Variants in C2CD3 observed in about 807,000 individuals in gnomAD.
C2CD3 encodes the protein C2 domain containing 3 centriole elongation regulator.
A neutral mutation model predicts 234.0 loss-of-function variants in C2CD3; 148 were observed. The observed-to-expected ratio is 0.63, with a 90% CI of 0.55 to 0.72. C2CD3 has a LOEUF of 0.72. Ranked by LOEUF, C2CD3 falls within the 30% of genes least tolerant of loss-of-function variation. The probability of loss-of-function intolerance (pLI) is 0.00; values close to 1 mark genes in which losing one functional copy is unlikely to be tolerated. For missense variants in C2CD3, 2,577 were observed against 2,811.5 expected (o/e 0.92, Z 1.89); for synonymous variants, 1,000 against 1,035.4 (o/e 0.97, Z 0.66).
chr11:74,117,098 A>G (rs1229478198), intron 9 of C2CD3, among the ~76,000 whole-genome samples: 1 of 63,056 alleles, frequency 1.6e-5, no homozygotes, highest in Non-Finnish European at 2.8e-5. Flanking sequence ...ATATATATAT[A>G]TGAATATATA....
At position 74,078,632 on chromosome 11, in the gene C2CD3, ACCAC is replaced by A. The variant is rs750126800; in HGVS notation, c.4082_4085del (p.Gly1361ValfsTer32). The A allele has an allele frequency of 6.2e-7, 1 of 1,614,138 alleles. No individual in the cohort carries two copies. The highest frequency in any genetic ancestry group is 1.3e-5 in the African/African-American group (1 of 75,042). Reference sequence around the variant, plus strand: ...GCGTGAAGGAAATCGAAAGCTCCAGACCACCCACGATCTTCTGCATGAGCTCCAG... The same window carrying A: ...GCGTGAAGGAAATCGAAAGCTCCAGACCACGATCTTCTGCATGAGCTCCAG... On this transcript the variant is annotated frameshift_variant, in exon 23 of 33. Transcript: ENST00000334126. LOFTEE classifies it high-confidence loss of function.
intron 29 of C2CD3, among the ~76,000 whole-genome samples, chr11:74,038,989 G>A (rs919206953): frequency 6.6e-6 from 1 of 152,108 alleles, no homozygotes; most frequent in Non-Finnish European, 1.5e-5. Flanking sequence ...AACAGTCTGC[G>A]TATCTTAGAG....
At position 74,139,665 on chromosome 11, in the gene C2CD3, T is replaced by C. The variant is rs761603333; in HGVS notation, c.647A>G (p.His216Arg). The C allele has an allele frequency of 6.2e-7, 1 of 1,614,042 alleles. No individual in the cohort carries two copies. The highest frequency in any genetic ancestry group is 1.1e-5 in the South Asian group (1 of 91,082). The change falls in exon 4 of 33, where the codon CAT becomes CGT. Residue 216 changes from histidine (H) to arginine (R), a missense_variant. By Grantham distance (29) the His-to-Arg change is conservative. Transcript: ENST00000334126. ...CTCTTTTCCATCAATTTTGATGGTA[T>C]GTATGTCGCGAGGCCTTGATGGAAC... ...FQVPSRPRDI[H>R]TIKIDGKELA... is the part of the protein sequence containing the mutation.
intron 20 of C2CD3, among the ~76,000 whole-genome samples, chr11:74,087,262 T>C (rs993229184): frequency 6.6e-6 from 1 of 152,038 alleles, no homozygotes; most frequent in Non-Finnish European, 1.5e-5. Flanking sequence ...ATGCTAGCAG[T>C]AGCTTAAAAA....
At chr11:74,141,340 C>G (rs1958042542) in intron 3 of C2CD3, among the ~76,000 whole-genome samples, 1 of 152,204 alleles carries the variant, frequency 6.6e-6, no homozygotes, top group Non-Finnish European at 1.5e-5. Context: ...GGGATGAATA[C>G]TATGTGCAGT....
At chr11:74,066,190 C>T (rs567906352) in intron 24 of C2CD3, among the ~76,000 whole-genome samples, 231 of 139,200 alleles carry the variant, frequency 1.7e-3, no homozygotes, top group African/African-American at 5.9e-3. Context: ...AGCAAACTAT[C>T]TCAAGGACAG....
Position 74,057,503 on chromosome 11 carries a change from A to C in C2CD3, c.4993T>G (p.Cys1665Gly), listed in dbSNP as rs1278365304. 3 of 1,614,142 alleles carry C rather than the reference A, an allele frequency of 1.9e-6. No individual in the cohort carries two copies. Among genetic ancestry groups the C allele is most frequent in the Non-Finnish European group, 2.5e-6 (3 of 1,179,982 alleles). ...TERKVSIPSCCVSFATADESS... is the reference protein window; with the variant it reads ...TERKVSIPSCGVSFATADESS... ...TCATCGGCTGTTGCAAAGGATACAC[A>C]ACAACTGGGTATCGATACTTTCCGC... The change falls in exon 25 of 33, where the codon TGT becomes GGT. Residue 1665 changes from cysteine (C) to glycine (G), a missense_variant. Physicochemically the swap from Cys to Gly is radical, Grantham distance 159. Coordinates refer to ENST00000334126, the MANE Select transcript of C2CD3 (RefSeq NM_001286577.2).
intron 32 of C2CD3, among the ~76,000 whole-genome samples, chr11:74,022,173 G>C (rs1417346258): frequency 6.6e-6 from 1 of 152,146 alleles, no homozygotes; most frequent in African/African-American, 2.4e-5. Flanking sequence ...AGACAGGGCA[G>C]GGTGAGAAGT....
chr11:74,114,530 A>G lies in C2CD3; in HGVS notation c.1584T>C (p.Ser528=). 1.2e-6 allele frequency: 2 copies of G among 1,613,918 alleles called. No homozygotes were observed. The highest frequency in any genetic ancestry group is 1.6e-4 in the Middle Eastern group (1 of 6,062). Residue 528 remains serine, a synonymous_variant, in exon 10 of 33, where the codon AGT becomes AGC. Transcript: ENST00000334126. The stretch of plus-strand genomic sequence containing the variant: ...TACCCAAAAGGGCCAGTCTATCCAC[A>G]CTTAGTGTCATCGTTTGGGCATCTT... ...TPEDAQTMTL[S]VDRLALLGRT... is the part of the protein sequence containing the mutation.
intron 32 of C2CD3, among the ~76,000 whole-genome samples, chr11:74,023,394 G>A (rs1209965698): frequency 1.3e-5 from 2 of 152,218 alleles, no homozygotes; most frequent in African/African-American, 4.8e-5. Context: ...GGCAGAAGAG[G>A]TGGAATTCTC....
chr11:74,067,620 G>A (rs1053781508), intron 24 of C2CD3, among the ~76,000 whole-genome samples: 1 of 152,094 alleles, frequency 6.6e-6, no homozygotes, highest in African/African-American at 2.4e-5. Context: ...CAATAAAATA[G>A]TATTCATATT....
At chr11:74,066,452 GA>G (rs55672870) in intron 24 of C2CD3, among the ~76,000 whole-genome samples, 82 of 148,488 alleles carry the variant, frequency 5.5e-4, no homozygotes, top group African/African-American at 1.9e-3. Context: ...AAGAAAGAAA[GA>G]AAAAAAAACA....
At chr11:74,150,162 A>G (rs1361023337) in intron 3 of C2CD3, among the ~76,000 whole-genome samples, 2 of 151,950 alleles carry the variant, frequency 1.3e-5, no homozygotes, top group East Asian at 3.9e-4. Flanking sequence ...TTGTAAAAAA[A>G]AAAAAAAATT....
Position 74,054,651 on chromosome 11 carries a change from A to T in C2CD3, c.5111T>A (p.Leu1704Gln), listed in dbSNP as rs1173920888. Reference sequence around the variant, plus strand: ...GAAGACCAGGGTTTGTTGTGGGTCCAGAAGCAGCTCTTTTGATAGCCTATT... The same window carrying T: ...GAAGACCAGGGTTTGTTGTGGGTCCTGAAGCAGCTCTTTTGATAGCCTATT... ...QQSRLSKELL[L>Q]DPQQTLVFKV... Residue 1704 changes from leucine (L) to glutamine (Q), a missense_variant, in exon 26 of 33, where the codon CTG (leucine) becomes CAG (glutamine). By Grantham distance (113) the Leu-to-Gln change is moderately radical. Transcript: ENST00000334126. 4.3e-6 allele frequency: 7 copies of T among 1,612,580 alleles called. No individual in the cohort carries two copies. Among genetic ancestry groups the T allele is most frequent in the Non-Finnish European group, 5.9e-6 (7 of 1,179,200 alleles).
chr11:74,095,079 T>TA (rs1184525900), intron 17 of C2CD3, 149 bp downstream of exon 17: 15 of 394,626 alleles, frequency 3.8e-5, no homozygotes, highest in South Asian at 1.0e-4. Flanking sequence ...AGTTAAAAAA[T>TA]AAAAAAAACT....
Position 74,168,400 on chromosome 11 carries a change from G to T in C2CD3, c.269C>A (p.Thr90Lys), listed in dbSNP as rs749067754. Residue 90 changes from threonine (T) to lysine (K), a missense_variant, in exon 2 of 33, where the codon ACA (threonine) becomes AAA (lysine). Transcript: ENST00000334126. ...ALQTEPKAVR[T>K]TTRYAIRCGP... ...ACAACGAATAGCGTAACGTGTAGTT[G>T]TTCTCACAGCTTTTGGTTCAGTCTG... The T allele has an allele frequency of 6.2e-7, 1 of 1,613,874 alleles. No individual in the cohort carries two copies. The highest frequency in any genetic ancestry group is 1.3e-5 in the African/African-American group (1 of 74,934).
At chr11:74,126,659 G>A (rs550419566) in intron 7 of C2CD3, among the ~76,000 whole-genome samples, 1 of 152,102 alleles carries the variant, frequency 6.6e-6, no homozygotes, top group Non-Finnish European at 1.5e-5. Context: ...CAGGAGAATC[G>A]CTTGAACCCA....
At chr11:74,028,913 G>C (rs1218270930) in intron 31 of C2CD3, among the ~76,000 whole-genome samples, 2 of 152,184 alleles carry the variant, frequency 1.3e-5, no homozygotes, top group Non-Finnish European at 2.9e-5. Context: ...TGTGGCTCCA[G>C]GGGGCAGTGC....
chr11:74,074,575 A>G lies in C2CD3; in HGVS notation c.4629T>C (p.Asn1543=), dbSNP rs763873335. 2 of 1,613,694 alleles carry G rather than the reference A, an allele frequency of 1.2e-6. No individual in the cohort carries two copies. Among genetic ancestry groups the G allele is most frequent in the African/African-American group, 1.3e-5 (1 of 74,942 alleles). Residue 1543 remains asparagine, a synonymous_variant, in exon 24 of 33, where the codon AAT becomes AAC. Coordinates refer to ENST00000334126, the MANE Select transcript of C2CD3 (RefSeq NM_001286577.2). The part of the protein sequence containing the change: ...VSGVYPLFGR[N]ASNLSGAALR... ...AGGCAGCTCCTGAGAGGTTGGAAGCATTTCGTCCAAACAGAGGATACACAC... is the reference window on the plus strand; with the variant it reads ...AGGCAGCTCCTGAGAGGTTGGAAGCGTTTCGTCCAAACAGAGGATACACAC...
Sources: gnomAD v4.1 joint callset for allele counts (sites outside exome capture counted in the v4.1 genomes callset) on GRCh38, gnomAD v4.1.1 for gene constraint, MANE v1.5 for transcripts, NCBI Gene and HGNC (gene_info 2026-07-23, HGNC 2026-07-21) for gene names.